The following DAB1 variants were observed in gnomAD, a reference collection of about 807,000 sequenced individuals.
The protein encoded by DAB1 is disabled homolog 1.
A neutral mutation model predicts 64.6 loss-of-function variants in DAB1; 15 were observed. The ratio of observed to expected loss-of-function variants is 0.23; its 90% CI spans 0.16 to 0.36. The LOEUF (loss-of-function observed/expected upper bound fraction) is 0.36, where lower values mean the gene tolerates loss of function less well. DAB1 is among the 10% of genes least tolerant of loss of function. The pLI, the probability that DAB1 is intolerant of heterozygous loss-of-function variation, is 1.00. For missense variants in DAB1, 596 were observed against 706.7 expected (o/e 0.84, Z 1.78); for synonymous variants, 235 against 251.9 (o/e 0.93, Z 0.64).
At chr1:57,281,787 A>G (rs1258491848) in intron 2 of DAB1, among the ~76,000 whole-genome samples, 1 of 152,134 alleles carries the variant, frequency 6.6e-6, no homozygotes, top group African/African-American at 2.4e-5. Flanking sequence ...AGCCTGAACT[A>G]CCTTCGGGGA....
intron 7 of DAB1, among the ~76,000 whole-genome samples, chr1:57,541,990 G>A (rs974532728): frequency 6.6e-6 from 1 of 152,142 alleles, no homozygotes; most frequent in African/African-American, 2.4e-5. Context: ...GGGTGGGGGA[G>A]GGTGTGTGCA....
At chr1:57,300,489 T>C (rs1205693007) in intron 1 of DAB1, among the ~76,000 whole-genome samples, 2 of 152,096 alleles carry the variant, frequency 1.3e-5, no homozygotes, top group Non-Finnish European at 2.9e-5. Context: ...GACAAGTAAA[T>C]GTTAGTCACC....
intron 1 of DAB1, among the ~76,000 whole-genome samples, chr1:57,396,491 T>C (rs34725826): frequency 0.015 from 2,244 of 152,354 alleles, 24 homozygotes; most frequent in South Asian, 0.035. Flanking sequence ...ATCTTGGTAA[T>C]TTGAATGGCT....
Position 57,552,505 on chromosome 1 carries a change from G to T in DAB1, n.625+97087C>A, listed in dbSNP as rs187916310. ...TCTCCATTTGTGAAGTCTGGGTATAGTTCCTGGAAGATAGGATTGCTGAGC... is the reference window on the plus strand; with the variant it reads ...TCTCCATTTGTGAAGTCTGGGTATATTTCCTGGAAGATAGGATTGCTGAGC... On this transcript the variant is annotated intron_variant and non_coding_transcript_variant, in intron 7 of 20. Coordinates refer to the DAB1 transcript ENST00000485760. Among the ~76,000 whole-genome samples the T allele has an allele frequency of 1.1e-3, 174 of 152,306 alleles. 1 individual carries two copies. Among genetic ancestry groups the T allele is most frequent in the African/African-American group, 3.8e-3 (159 of 41,572 alleles).
At chr1:57,570,457 G>A (rs889807602) in intron 7 of DAB1, among the ~76,000 whole-genome samples, 1 of 151,676 alleles carries the variant, frequency 6.6e-6, no homozygotes, top group South Asian at 2.1e-4. Context: ...TTATGTTTTT[G>A]CTTGCTTTGT....
chr1:57,983,834 T>C (rs1000665927), intron 5 of DAB1, among the ~76,000 whole-genome samples: 2 of 152,128 alleles, frequency 1.3e-5, no homozygotes, highest in Admixed American at 1.3e-4. Context: ...TTCAAAGCAA[T>C]TAGAGTGTCT....
At chr1:57,476,055 T>C (rs563203907) in intron 7 of DAB1, among the ~76,000 whole-genome samples, 129 of 151,946 alleles carry the variant, frequency 8.5e-4, no homozygotes, top group African/African-American at 3.0e-3. Flanking sequence ...TGAAACTCTG[T>C]CTCCGCTAAA....
At chr1:57,043,572 C>T (rs11808294) in intron 9 of DAB1, among the ~76,000 whole-genome samples, 6,552 of 152,258 alleles carry the variant, frequency 0.043, 478 homozygotes, top group African/African-American at 0.15. Context: ...TGAGGCCGGG[C>T]GCGGCGGCTC....
At chr1:57,111,262 T>C (rs1021040186) in intron 4 of DAB1, among the ~76,000 whole-genome samples, 1 of 152,132 alleles carries the variant, frequency 6.6e-6, no homozygotes, top group Non-Finnish European at 1.5e-5. Context: ...AAGTGAGTGT[T>C]CTAATGGGAC....
chr1:58,130,867 C>T (rs1653507974), intron 5 of DAB1, among the ~76,000 whole-genome samples: 1 of 152,046 alleles, frequency 6.6e-6, no homozygotes, highest in Non-Finnish European at 1.5e-5. Flanking sequence ...GTAACCCGAC[C>T]TTTCTCTCTG....
At chr1:57,226,672 A>AAAAATATATAT (rs747021990) in intron 2 of DAB1, among the ~76,000 whole-genome samples, 6 of 135,998 alleles carry the variant, frequency 4.4e-5, no homozygotes, top group African/African-American at 1.9e-4. Context: ...TTAAAAAAAA[A>AAAAATATATAT]ATATATATAT....
intron 7 of DAB1, among the ~76,000 whole-genome samples, chr1:57,429,992 A>G (rs568139617): frequency 1.3e-5 from 2 of 152,282 alleles, no homozygotes; most frequent in Non-Finnish European, 2.9e-5. Context: ...TTCCATATAC[A>G]TTCTAGGATT....
intron 3 of DAB1, among the ~76,000 whole-genome samples, chr1:58,442,071 T>C (rs779160776): frequency 2.0e-4 from 31 of 152,208 alleles, no homozygotes; most frequent in Admixed American, 7.9e-4. Flanking sequence ...GGTTTGTAAA[T>C]AGGGCACACT....
At chr1:57,618,522 T>C (rs992034988) in intron 7 of DAB1, among the ~76,000 whole-genome samples, 24 of 151,980 alleles carry the variant, frequency 1.6e-4, no homozygotes, top group African/African-American at 5.8e-4. Context: ...CTGTGGGTTC[T>C]GGTACTTTGC....
At chr1:58,075,389 G>T (rs1329555217) in intron 5 of DAB1, among the ~76,000 whole-genome samples, 1 of 152,134 alleles carries the variant, frequency 6.6e-6, no homozygotes, top group East Asian at 1.9e-4. Context: ...AGCAATCTGT[G>T]TCACTTCCAA....
chr1:58,133,548 C>T (rs750637823), intron 5 of DAB1, among the ~76,000 whole-genome samples: 3 of 152,204 alleles, frequency 2.0e-5, no homozygotes, highest in Non-Finnish European at 2.9e-5. Context: ...TACCTGCCAA[C>T]AGATTTCCAG....
chr1:58,452,625 CG>C (rs1318583269), intron 3 of DAB1, among the ~76,000 whole-genome samples: 1 of 142,976 alleles, frequency 7.0e-6, no homozygotes, highest in Non-Finnish European at 1.5e-5. Flanking sequence ...GCCTGGCCAA[CG>C]TGGTGAAACC....
intron 2 of DAB1, among the ~76,000 whole-genome samples, chr1:57,198,649 T>TCTCTCTCTCTCTCACA (rs1477522407): frequency 8.4e-4 from 108 of 128,328 alleles, no homozygotes; most frequent in South Asian, 2.6e-3. Flanking sequence ...CTTCTCTCTC[T>TCTCTCTCTCTCTCACA]CACACACACA....
At chr1:58,325,197 A>C (rs1290263305) in intron 4 of DAB1, among the ~76,000 whole-genome samples, 1 of 152,218 alleles carries the variant, frequency 6.6e-6, no homozygotes, top group East Asian at 1.9e-4. Flanking sequence ...GACAGGAGAG[A>C]AGATTACAGA....
Sources: gnomAD v4.1 joint callset for allele counts (sites outside exome capture counted in the v4.1 genomes callset) on GRCh38, gnomAD v4.1.1 for gene constraint, MANE v1.5 for transcripts, NCBI Gene and HGNC (gene_info 2026-07-23, HGNC 2026-07-21) for gene names.